Variants in PDZD2 observed in about 807,000 individuals in gnomAD.
PDZD2 encodes the protein PDZ domain-containing protein 2.
In PDZD2, 90 loss-of-function variants were observed where a neutral mutation model predicts 220.7. That is an observed-to-expected ratio of 0.41 (90% CI 0.34 to 0.49). The LOEUF (loss-of-function observed/expected upper bound fraction) is 0.49. Ranked by LOEUF, PDZD2 falls within the 20% of genes least tolerant of loss-of-function variation. PDZD2 has a pLI of 0.28. For missense variants in PDZD2, 3,174 were observed against 3,608.5 expected (o/e 0.88, Z 3.08); for synonymous variants, 1,375 against 1,450.5 (o/e 0.95, Z 1.18).
At chr5:31,688,647 G>A (rs1445481675) in intron 1 of PDZD2, among the ~76,000 whole-genome samples, 1 of 152,148 alleles carries the variant, frequency 6.6e-6, no homozygotes, top group Non-Finnish European at 1.5e-5. Context: ...GGGTGCTGAG[G>A]GGATTGCTCA....
intron 3 of PDZD2, 72 bp downstream of exon 3, chr5:31,983,728 C>A (rs745702523): frequency 4.9e-6 from 7 of 1,439,612 alleles, no homozygotes; most frequent in East Asian, 2.3e-5. Flanking sequence ...GCAGCCCAGC[C>A]CATGCGGGAA....
intron 4 of PDZD2, among the ~76,000 whole-genome samples, chr5:31,999,383 C>T (rs907384163): frequency 3.3e-5 from 5 of 151,504 alleles, no homozygotes; most frequent in Non-Finnish European, 7.4e-5. Context: ...CCTGGTGGCA[C>T]GCACTTGTAG....
At position 31,848,850 on chromosome 5, in the gene PDZD2, A is replaced by C. The variant is rs527423862; in HGVS notation, c.476+49126A>C. Among the ~76,000 whole-genome samples the C allele has an allele frequency of 2.0e-5, 3 of 151,984 alleles. No individual in the cohort carries two copies. In the South Asian group the frequency reaches 6.3e-4, roughly 32 times the overall value. On this transcript the variant is annotated intron_variant, in intron 2 of 24. Coordinates refer to ENST00000438447, the MANE Select transcript of PDZD2 (RefSeq NM_178140.4). ...AGATCACGAGATCAGGAGATTGAGA[A>C]CATCCTGGCTAACACGGTGAAACCC...
At chr5:31,864,839 CTTTTTTTTTTTTTT>C (rs70955752) in intron 2 of PDZD2, among the ~76,000 whole-genome samples, 3 of 70,932 alleles carry the variant, frequency 4.2e-5, no homozygotes, top group African/African-American at 5.8e-5. Context: ...TGAGATTTGT[CTTTTTTTTTTTTTT>C]TTTTTTTTTT....
chr5:31,962,343 G>T (rs1369782205), intron 2 of PDZD2, among the ~76,000 whole-genome samples: 1 of 152,124 alleles, frequency 6.6e-6, no homozygotes, highest in Non-Finnish European at 1.5e-5. Context: ...TTGAGAACAG[G>T]TGGTGCCAAT....
chr5:31,856,265 G>T (rs1206562693), intron 2 of PDZD2, among the ~76,000 whole-genome samples: 1 of 152,064 alleles, frequency 6.6e-6, no homozygotes, highest in East Asian at 1.9e-4. Flanking sequence ...GAGTTGAGAG[G>T]ATACGGGACC....
At chr5:31,836,695 A>C (rs1383735096) in intron 2 of PDZD2, among the ~76,000 whole-genome samples, 2 of 152,102 alleles carry the variant, frequency 1.3e-5, no homozygotes, top group African/African-American at 4.8e-5. Flanking sequence ...TGTTTAGAAA[A>C]GGGTACGTCA....
intron 19 of PDZD2, among the ~76,000 whole-genome samples, chr5:32,078,252 A>G (rs992631047): frequency 6.6e-6 from 1 of 152,202 alleles, no homozygotes; most frequent in Non-Finnish European, 1.5e-5. Context: ...AAACCTCCAC[A>G]AAGGACAAGT....
chr5:31,843,354 C>T (rs1757425800), intron 2 of PDZD2: 1 of 151,954 alleles, frequency 6.6e-6, no homozygotes, highest in Non-Finnish European at 1.5e-5. Flanking sequence ...GCAACCTCCA[C>T]CTCCTGAGTT....
chr5:32,069,922 CT>C (rs1279104370), intron 15 of PDZD2, among the ~76,000 whole-genome samples: 4 of 152,136 alleles, frequency 2.6e-5, no homozygotes, highest in Non-Finnish European at 5.9e-5. Context: ...TGTATATATG[CT>C]TGATTCATTC....
At chr5:31,898,959 C>CTGGGACTA (rs1741835966) in intron 2 of PDZD2, among the ~76,000 whole-genome samples, 1 of 151,568 alleles carries the variant, frequency 6.6e-6, no homozygotes, top group African/African-American at 2.4e-5. Context: ...TCCCGAGTAG[C>CTGGGACTA]TGGGACTATA....
At chr5:31,675,848 C>T (rs1368363734) in intron 1 of PDZD2, among the ~76,000 whole-genome samples, 4 of 152,122 alleles carry the variant, frequency 2.6e-5, no homozygotes, top group Admixed American at 6.6e-5. Flanking sequence ...ACTATGGGCA[C>T]GCACCACCAT....
At chr5:31,976,540 C>T (rs543972546) in intron 2 of PDZD2, among the ~76,000 whole-genome samples, 2 of 152,236 alleles carry the variant, frequency 1.3e-5, no homozygotes, top group Non-Finnish European at 2.9e-5. Flanking sequence ...TGTTTATTCT[C>T]CTGTTGTCTG....
At chr5:32,011,273 G>A (rs1313009038) in intron 6 of PDZD2, among the ~76,000 whole-genome samples, 1 of 151,316 alleles carries the variant, frequency 6.6e-6, no homozygotes, top group Admixed American at 6.6e-5. Context: ...TGGATTGCTT[G>A]AGCTCAGGAG....
Position 31,639,923 on chromosome 5 carries a change from T to C in PDZD2, c.-361+486T>C, listed in dbSNP as rs1434134416. 6.6e-6 allele frequency among the ~76,000 whole-genome samples: 1 copy of C among 152,038 alleles called. No homozygotes were observed. Among genetic ancestry groups the C allele is most frequent in the East Asian group, 1.9e-4 (1 of 5,160 alleles). The stretch of plus-strand genomic sequence containing the variant: ...CCGCCTCTTTGCCCAGATGAGACGT[T>C]AGACGCGGGGCGAGGGAATGCAGGG... On this transcript the variant is annotated intron_variant, in intron 1 of 24. Transcript: ENST00000438447. This position sits in a 1 kb window ranked among gnomAD's most constrained non-coding sequence, Gnocchi z 4.1.
chr5:32,014,544 CTCACCCCCACTG>C (rs1284004399), intron 6 of PDZD2, among the ~76,000 whole-genome samples: 2 of 152,040 alleles, frequency 1.3e-5, no homozygotes, highest in Non-Finnish European at 2.9e-5. Context: ...TCTGCCACGA[CTCACCCCCACTG>C]TCACCACCAC....
At chr5:31,824,503 C>T (rs1256678300) in intron 2 of PDZD2, among the ~76,000 whole-genome samples, 2 of 152,118 alleles carry the variant, frequency 1.3e-5, no homozygotes, top group Non-Finnish European at 2.9e-5. Context: ...AAATTATCTA[C>T]CATGCCATAG....
intron 10 of PDZD2, among the ~76,000 whole-genome samples, chr5:32,054,350 G>T (rs1738895681): frequency 1.7e-5 from 2 of 119,736 alleles, no homozygotes; most frequent in Non-Finnish European, 3.4e-5. Context: ...ATGAGACAGG[G>T]TCTCAATCTA....
intron 14 of PDZD2, 94 bp from the exon 15 acceptor site, chr5:32,069,475 A>G: frequency 1.3e-6 from 1 of 748,166 alleles, no homozygotes; most frequent in South Asian, 1.5e-5. Flanking sequence ...TTGCCTCTTT[A>G]TCTGCACTTG....
Sources: gnomAD v4.1 joint callset for allele counts (sites outside exome capture counted in the v4.1 genomes callset) on GRCh38, gnomAD v4.1.1 for gene constraint, Gnocchi (gnomAD v3.1) non-coding constraint, MANE v1.5 for transcripts, NCBI Gene and HGNC (gene_info 2026-07-23, HGNC 2026-07-21) for gene names.